The following PAPSS2 variants were observed in gnomAD, a reference collection of about 807,000 sequenced individuals.
PAPSS2 encodes bifunctional 3'-phosphoadenosine 5'-phosphosulfate synthase 2.
In PAPSS2, 61 loss-of-function variants were observed where a neutral mutation model predicts 66.5. That is an observed-to-expected ratio of 0.92 (90% confidence interval 0.75 to 1.14). The LOEUF (loss-of-function observed/expected upper bound fraction) is 1.14, where lower values mean the gene tolerates loss of function less well. PAPSS2 is among the 50% of genes most tolerant of loss of function. The pLI, the probability that PAPSS2 is intolerant of heterozygous loss-of-function variation, is 0.00. For missense variants in PAPSS2, 708 were observed against 789.6 expected (o/e 0.90, Z 1.24); for synonymous variants, 289 against 287.5 (o/e 1.01, Z -0.05).
chr10:87,731,534 C>G (rs1242727454), intron 9 of PAPSS2, among the ~76,000 whole-genome samples: 1 of 152,166 alleles, frequency 6.6e-6, no homozygotes, highest in Non-Finnish European at 1.5e-5. Context: ...GATGGTGATT[C>G]CTCAGATGAA....
Position 87,741,231 on chromosome 10 carries a change from C to A in PAPSS2, c.1087-4C>A. 6.2e-7 allele frequency: 1 copy of A among 1,613,520 alleles called. No individual in the cohort carries two copies. The highest frequency in any genetic ancestry group is 8.5e-7 in the Non-Finnish European group (1 of 1,179,522). On this transcript the variant is annotated splice_region_variant and splice_polypyrimidine_tract_variant and intron_variant, in intron 9 of 12. Transcript: ENST00000456849. ...ATTAGCAATCATAACAATGTTCTTT[C>A]TAGATGGTGATGGAAAGTGGGGACT... is the stretch of plus-strand genomic sequence containing the variant.
intron 1 of PAPSS2, among the ~76,000 whole-genome samples, chr10:87,685,182 C>A (rs1406244300): frequency 2.0e-5 from 3 of 152,168 alleles, no homozygotes; most frequent in Non-Finnish European, 4.4e-5. Context: ...GCCAAATTAA[C>A]CCCAGAGAGG....
intron 1 of PAPSS2, among the ~76,000 whole-genome samples, chr10:87,679,596 A>C (rs1852991678): frequency 6.6e-6 from 1 of 152,236 alleles, no homozygotes; most frequent in Non-Finnish European, 1.5e-5. Context: ...TATTTTAAAA[A>C]TTACATGCCA....
At chr10:87,698,033 A>G (rs992765039) in intron 1 of PAPSS2, among the ~76,000 whole-genome samples, 1 of 152,210 alleles carries the variant, frequency 6.6e-6, no homozygotes, top group African/African-American at 2.4e-5. Flanking sequence ...ATGTTTTGGG[A>G]AAAAATTAAA....
intron 1 of PAPSS2, among the ~76,000 whole-genome samples, chr10:87,662,510 C>T (rs1852764358): frequency 6.6e-6 from 1 of 152,076 alleles, no homozygotes; most frequent in Admixed American, 6.5e-5. Flanking sequence ...ACATTCATCC[C>T]TTCATCATTT....
chr10:87,744,790 G>C (rs771440169), intron 11 of PAPSS2, among the ~76,000 whole-genome samples: 1 of 152,168 alleles, frequency 6.6e-6, no homozygotes, highest in Non-Finnish European at 1.5e-5. Context: ...TGAGTTATGA[G>C]GGAGGAATCT....
intron 1 of PAPSS2, chr10:87,703,606 A>G (rs1853345909): frequency 4.7e-6 from 2 of 427,950 alleles, no homozygotes; most frequent in Non-Finnish European, 9.2e-6. Context: ...ACAGAGAAAG[A>G]TAAGGAGGTT....
intron 1 of PAPSS2, among the ~76,000 whole-genome samples, chr10:87,687,156 C>G (rs1380983635): frequency 6.6e-6 from 1 of 152,156 alleles, no homozygotes; most frequent in Non-Finnish European, 1.5e-5. Flanking sequence ...TCAGAGGTGA[C>G]TTTAGGAGCT....
At chr10:87,721,078 C>T (rs1264739937) in intron 7 of PAPSS2, among the ~76,000 whole-genome samples, 2 of 152,320 alleles carry the variant, frequency 1.3e-5, no homozygotes, top group South Asian at 2.1e-4. Context: ...CTGCATATAT[C>T]ACCAGCACTT....
At chr10:87,679,707 T>C (rs1043863087) in intron 1 of PAPSS2, among the ~76,000 whole-genome samples, 3 of 152,100 alleles carry the variant, frequency 2.0e-5, no homozygotes, top group Admixed American at 2.0e-4. Context: ...CCAAAATATA[T>C]AGAACTCCTA....
chr10:87,722,015 T>C (rs1853604201), intron 8 of PAPSS2, among the ~76,000 whole-genome samples: 1 of 152,212 alleles, frequency 6.6e-6, no homozygotes, highest in African/African-American at 2.4e-5. Context: ...CTGACAAAAG[T>C]AAACTTGTTT....
At chr10:87,743,027 C>A (rs887665299) in intron 10 of PAPSS2, among the ~76,000 whole-genome samples, 1 of 152,320 alleles carries the variant, frequency 6.6e-6, no homozygotes, top group African/African-American at 2.4e-5. Context: ...AGGCGGATCA[C>A]TTGAGGTCAG....
chr10:87,702,102 C>T (rs976962821), intron 1 of PAPSS2, among the ~76,000 whole-genome samples: 25 of 152,132 alleles, frequency 1.6e-4, no homozygotes, highest in African/African-American at 5.6e-4. Context: ...TTTGAAGCTA[C>T]TCATGTTAAG....
At chr10:87,678,660 T>G (rs1852979517) in intron 1 of PAPSS2, among the ~76,000 whole-genome samples, 1 of 151,868 alleles carries the variant, frequency 6.6e-6, no homozygotes, top group Non-Finnish European at 1.5e-5. Flanking sequence ...GACATGTAAA[T>G]GGCCAACAGA....
intron 7 of PAPSS2, among the ~76,000 whole-genome samples, chr10:87,718,340 A>G (rs141762744): frequency 5.1e-4 from 77 of 152,076 alleles, no homozygotes; most frequent in African/African-American, 1.5e-3. Context: ...CAACCCATTG[A>G]TTTTCTATTT....
intron 1 of PAPSS2, among the ~76,000 whole-genome samples, chr10:87,685,150 C>A (rs1343107058): frequency 2.6e-5 from 4 of 152,170 alleles, no homozygotes; most frequent in African/African-American, 9.7e-5. Context: ...CTGAGCCCCC[C>A]ACTTCAAAAG....
intron 1 of PAPSS2, among the ~76,000 whole-genome samples, chr10:87,664,591 T>G (rs889357810): frequency 6.6e-6 from 1 of 152,362 alleles, no homozygotes; most frequent in East Asian, 1.9e-4. Flanking sequence ...TTATCACTTT[T>G]CTGTTGATGC....
At chr10:87,722,376 G>A (rs1853608285) in intron 8 of PAPSS2, among the ~76,000 whole-genome samples, 1 of 152,192 alleles carries the variant, frequency 6.6e-6, no homozygotes, top group African/African-American at 2.4e-5. Flanking sequence ...TCTATCTTTG[G>A]TGTTGCTTTC....
At chr10:87,737,764 A>C (rs1012529868) in intron 9 of PAPSS2, among the ~76,000 whole-genome samples, 1 of 151,500 alleles carries the variant, frequency 6.6e-6, no homozygotes, top group Non-Finnish European at 1.5e-5. Context: ...TAGAGGCTGC[A>C]GTGAGCTACT....
Sources: gnomAD v4.1 joint callset for allele counts (sites outside exome capture counted in the v4.1 genomes callset) on GRCh38, gnomAD v4.1.1 for gene constraint, MANE v1.5 for transcripts, NCBI Gene and HGNC (gene_info 2026-07-23, HGNC 2026-07-21) for gene names.